Variants in PEAK1 observed in about 807,000 individuals in gnomAD.
PEAK1 encodes the protein inactive tyrosine-protein kinase PEAK1.
PEAK1 carries 54 observed loss-of-function variants against 124.7 expected under a neutral mutation model. The observed-to-expected ratio is 0.43, with a 90% confidence interval of 0.35 to 0.54. The LOEUF (loss-of-function observed/expected upper bound fraction) is 0.54, where lower values mean the gene tolerates loss of function less well. Ranked by LOEUF, PEAK1 falls within the 20% of genes least tolerant of loss-of-function variation. PEAK1 has a pLI of 0.01. For synonymous variants in PEAK1, 719 were observed against 760.0 expected (o/e 0.95, Z 0.89); for missense variants, 2,046 against 2,134.5 (o/e 0.96, Z 0.82).
intron 6 of PEAK1, among the ~76,000 whole-genome samples, chr15:77,240,218 G>C (rs1386379659): frequency 1.3e-5 from 2 of 152,112 alleles, no homozygotes; most frequent in African/African-American, 4.8e-5. Flanking sequence ...TTCTTAATAG[G>C]TAATATTCAT....
intron 8 of PEAK1, among the ~76,000 whole-genome samples, chr15:77,146,431 G>A (rs998908605): frequency 6.6e-6 from 1 of 152,304 alleles, no homozygotes; most frequent in East Asian, 1.9e-4. Context: ...TCGTATAGCA[G>A]CTGGCTGACT....
intron 6 of PEAK1, among the ~76,000 whole-genome samples, chr15:77,235,333 C>T (rs994152627): frequency 6.6e-6 from 1 of 151,882 alleles, no homozygotes; most frequent in Non-Finnish European, 1.5e-5. Context: ...TTGGAACTTC[C>T]TAGAGACTTG....
At chr15:77,364,157 C>T (rs1446745733) in intron 2 of PEAK1, among the ~76,000 whole-genome samples, 1 of 152,098 alleles carries the variant, frequency 6.6e-6, no homozygotes, top group South Asian at 2.1e-4. Context: ...CAAGATGTTG[C>T]CACCGCACTC....
chr15:77,280,908 C>A (rs534675967), intron 5 of PEAK1, among the ~76,000 whole-genome samples: 1 of 152,208 alleles, frequency 6.6e-6, no homozygotes, highest in South Asian at 2.1e-4. Context: ...TCTGTAATCC[C>A]AGCACTTTGG....
At chr15:77,363,803 T>C (rs2068053542) in intron 2 of PEAK1, among the ~76,000 whole-genome samples, 1 of 152,108 alleles carries the variant, frequency 6.6e-6, no homozygotes, top group Admixed American at 6.5e-5. Flanking sequence ...GAAGACAACA[T>C]ATTGTGCAAC....
At chr15:77,145,284 A>G (rs1253143443) in intron 8 of PEAK1, among the ~76,000 whole-genome samples, 10 of 152,160 alleles carry the variant, frequency 6.6e-5, no homozygotes, top group Admixed American at 2.0e-4. Flanking sequence ...CCCCATCTCC[A>G]CTAAAATACA....
At chr15:77,365,476 G>A (rs552414701) in intron 1 of PEAK1, among the ~76,000 whole-genome samples, 34 of 152,286 alleles carry the variant, frequency 2.2e-4, no homozygotes, top group Admixed American at 1.7e-3. Context: ...GGCGGCTCAC[G>A]CCTGTAATCC....
intron 6 of PEAK1, among the ~76,000 whole-genome samples, chr15:77,193,826 C>G (rs963255099): frequency 6.6e-6 from 1 of 151,304 alleles, no homozygotes; most frequent in South Asian, 2.1e-4. Context: ...CTAAACTAAA[C>G]TAAACTAAAC....
chr15:77,159,430 C>A (rs1295673584), intron 7 of PEAK1, among the ~76,000 whole-genome samples: 1 of 152,180 alleles, frequency 6.6e-6, no homozygotes, highest in African/African-American at 2.4e-5. Flanking sequence ...ATGCTTATAG[C>A]TACTTCTTCC....
intron 1 of PEAK1, among the ~76,000 whole-genome samples, chr15:77,380,103 G>C (rs570445647): frequency 1.3e-5 from 2 of 151,968 alleles, no homozygotes; most frequent in East Asian, 3.9e-4. Context: ...TAGCTCCATT[G>C]GTCTTTGTTA....
intron 6 of PEAK1, among the ~76,000 whole-genome samples, chr15:77,223,504 C>A (rs2059482992): frequency 6.6e-6 from 1 of 152,052 alleles, no homozygotes. Flanking sequence ...CTGGATATTA[C>A]CCCACAAAAC....
intron 1 of PEAK1, among the ~76,000 whole-genome samples, chr15:77,408,577 AC>A (rs2072134137): frequency 6.6e-6 from 1 of 152,302 alleles, no homozygotes; most frequent in East Asian, 1.9e-4. Flanking sequence ...TGCTGCAGAA[AC>A]AGTTTTTCAA....
At chr15:77,171,792 T>C (rs1453691800) in intron 7 of PEAK1, among the ~76,000 whole-genome samples, 1 of 152,200 alleles carries the variant, frequency 6.6e-6, no homozygotes, top group Non-Finnish European at 1.5e-5. Flanking sequence ...ACGTACACCA[T>C]AATTAAGTGC....
At chr15:77,399,110 A>C (rs902461064) in intron 1 of PEAK1, among the ~76,000 whole-genome samples, 8 of 152,190 alleles carry the variant, frequency 5.3e-5, no homozygotes, top group Non-Finnish European at 1.2e-4. Flanking sequence ...AAGTGGAAGA[A>C]GACACTAAAA....
intron 1 of PEAK1, among the ~76,000 whole-genome samples, chr15:77,390,026 C>T (rs8028686): frequency 0.98 from 148,808 of 152,356 alleles, 72,757 homozygotes; most frequent in East Asian, 1. Context: ...TCATCATTAA[C>T]CCTCATAACA....
rs1162642516 is a variant in PEAK1, at chr15:77,110,651, G to A, written c.*3505C>T. The A allele has an allele frequency of 6.6e-6, 1 of 152,170 alleles. No individual in the cohort carries two copies. Among genetic ancestry groups the A allele is most frequent in the Non-Finnish European group, 1.5e-5 (1 of 68,030 alleles). The allele number at this position is 152,170 out of a possible 1,614,324, so 9.4% of individuals were successfully genotyped here. On this transcript the variant is annotated 3_prime_UTR_variant, in exon 10 of 10. Transcript: ENST00000682557. ...CAGGGTAGGTAGGATGAGTGCTTGT[G>A]CCCTCACCTCAACCCATACCTCACC...
intron 9 of PEAK1, among the ~76,000 whole-genome samples, chr15:77,126,848 A>C (rs2052418042): frequency 6.6e-6 from 1 of 152,242 alleles, no homozygotes; most frequent in Non-Finnish European, 1.5e-5. Flanking sequence ...TGTTGAATGA[A>C]GATTAGAATA....
intron 8 of PEAK1, among the ~76,000 whole-genome samples, chr15:77,140,062 T>C (rs1463310704): frequency 1.3e-5 from 2 of 152,134 alleles, no homozygotes; most frequent in African/African-American, 2.4e-5. Context: ...TAAAATTGTA[T>C]AGATATCTAT....
intron 2 of PEAK1, chr15:77,349,135 G>A (rs190802176): frequency 1.3e-5 from 7 of 519,868 alleles, no homozygotes; most frequent in Non-Finnish European, 1.7e-5. Context: ...CACCTCCTGG[G>A]TTCACGCCAT....
Sources: gnomAD v4.1 joint callset for allele counts (sites outside exome capture counted in the v4.1 genomes callset) on GRCh38, gnomAD v4.1.1 for gene constraint, MANE v1.5 for transcripts, NCBI Gene and HGNC (gene_info 2026-07-23, HGNC 2026-07-21) for gene names.